WDR25: variants seen among roughly 807,000 people sequenced by gnomAD.
WDR25 encodes the protein WD repeat domain 25, also known as WD repeat-containing protein 25.
Under a neutral mutation model 47.7 loss-of-function variants are expected in WDR25, and 35 were observed. The ratio of observed to expected loss-of-function variants is 0.73; its 90% confidence interval spans 0.56 to 0.97. The LOEUF (loss-of-function observed/expected upper bound fraction) is 0.97, where lower values mean the gene tolerates loss of function less well. Ranked by LOEUF, WDR25 falls within the 50% of genes least tolerant of loss-of-function variation. The probability of loss-of-function intolerance (pLI) is 0.00; values close to 1 mark genes in which losing one functional copy is unlikely to be tolerated. For missense variants in WDR25, 634 were observed against 704.7 expected, an observed-to-expected ratio of 0.90 and a Z score of 1.14; for synonymous variants, 248 against 278.9, an observed-to-expected ratio of 0.89 and a Z score of 1.10.
chr14:100,466,358 T>G (rs935888520), intron 2 of WDR25, among the ~76,000 whole-genome samples: 1 of 152,246 alleles, frequency 6.6e-6, no homozygotes, highest in African/African-American at 2.4e-5. Flanking sequence ...CTTTGCATTC[T>G]GAGAACATTC....
intron 1 of WDR25, among the ~76,000 whole-genome samples, chr14:100,379,410 T>TG (rs1482003955): frequency 6.8e-6 from 1 of 147,100 alleles, no homozygotes; most frequent in East Asian, 2.0e-4. Context: ...TTTTTTGAGA[T>TG]GGAGTCTTGC....
At position 100,500,291 on chromosome 14, in the gene WDR25, G is replaced by A. The variant is rs1360212092; in HGVS notation, c.1101+16167G>A. 1.3e-5 allele frequency among the ~76,000 whole-genome samples: 2 copies of A among 152,110 alleles called. No individual in the cohort carries two copies. ...CGGTTCTGGGTGGTTCAGGACCTGC[G>A]GGGGCTGCGGGGAAGGCCCTGCCCT... On this transcript the variant is annotated intron_variant, in intron 4 of 6. Coordinates refer to ENST00000402312, the MANE Select transcript of WDR25 (RefSeq NM_001161476.3). The surrounding 1 kb of genome is among the most constrained non-coding windows in gnomAD (Gnocchi z 4.7).
intron 3 of WDR25, among the ~76,000 whole-genome samples, chr14:100,475,029 A>C (rs1055255386): frequency 2.0e-5 from 3 of 152,244 alleles, no homozygotes; most frequent in African/African-American, 7.2e-5. Flanking sequence ...GCCAACAGAT[A>C]TTAGAAAAAA....
chr14:100,454,314 TGGA>T, intron 2 of WDR25: 3 of 1,211,018 alleles, frequency 2.5e-6, no homozygotes, highest in Non-Finnish European at 3.2e-6. Context: ...AGGCTGGGTG[TGGA>T]GAAGATTTTG....
intron 2 of WDR25, among the ~76,000 whole-genome samples, chr14:100,466,955 C>T (rs549355908): frequency 2.6e-5 from 4 of 152,340 alleles, no homozygotes; most frequent in African/African-American, 9.6e-5. Flanking sequence ...TGGTGGAAAG[C>T]TAAGCTCAGG....
At chr14:100,436,634 GT>G (rs1279982273) in intron 2 of WDR25, among the ~76,000 whole-genome samples, 5 of 152,158 alleles carry the variant, frequency 3.3e-5, no homozygotes, top group Non-Finnish European at 5.9e-5. Context: ...CAGGTGTTCG[GT>G]GTCTCTTGGG....
intron 2 of WDR25, among the ~76,000 whole-genome samples, chr14:100,456,477 A>C (rs563155043): frequency 1.3e-3 from 194 of 152,376 alleles, no homozygotes; most frequent in African/African-American, 4.4e-3. Context: ...AGAACTGTTC[A>C]ACCAACTATT....
rs949157129 is a variant in WDR25 at position 100,440,777 on chromosome 14, C to CG, written c.823-27239dup. 3.7e-4 allele frequency among the ~76,000 whole-genome samples: 57 copies of CG among 152,156 alleles called. No homozygotes were observed. The highest frequency in any genetic ancestry group is 1.3e-3 in the African/African-American group (53 of 41,408). On this transcript the variant is annotated intron_variant, in intron 2 of 6. Transcript: ENST00000402312. The surrounding 1 kb of genome is among the most constrained non-coding windows in gnomAD (Gnocchi z 4.4). The stretch of plus-strand genomic sequence containing the variant: ...TCTGATTATTTACGAAGGGACAGGC[C>CG]GGGGGAGGTAACCACCTCGATAAAT...
rs1427696415 is a variant in WDR25 at position 100,376,489 on chromosome 14, G to T, written c.-22G>T. On this transcript the variant is annotated 5_prime_UTR_variant, in exon 1 of 7. Transcript: ENST00000402312. Reference sequence around the variant, plus strand: ...CGGTCTGCCTCCGGGAGAACCGAGCGCTTCCGGTGCGTGTGGTGAGCGGCG... The same window carrying T: ...CGGTCTGCCTCCGGGAGAACCGAGCTCTTCCGGTGCGTGTGGTGAGCGGCG... 38 of 1,231,518 alleles carry T rather than the reference G, an allele frequency of 3.1e-5. No homozygotes were observed. The highest frequency in any genetic ancestry group is 3.7e-5 in the Non-Finnish European group (37 of 987,922). 76.3% of individuals were successfully genotyped at this position (1,231,518 alleles called of 1,614,324 possible). A position where few individuals can be genotyped will look rare whatever the true frequency, so the allele number is the denominator to read the frequency against.
intron 5 of WDR25, among the ~76,000 whole-genome samples, chr14:100,526,777 CTATCAT>C (rs2140394528): frequency 6.6e-6 from 1 of 151,460 alleles, no homozygotes; most frequent in Non-Finnish European, 1.5e-5. Context: ...ACCACCACTA[CTATCAT>C]CACCACCATC....
chr14:100,393,991 C>T (rs942712364), intron 2 of WDR25, among the ~76,000 whole-genome samples: 1 of 152,180 alleles, frequency 6.6e-6, no homozygotes. Context: ...GCATTCTCAT[C>T]TGTGAAATAA....
chr14:100,459,933 TATATATAC>T (rs1252744332), intron 2 of WDR25, among the ~76,000 whole-genome samples: 1 of 88,268 alleles, frequency 1.1e-5, no homozygotes, highest in Admixed American at 1.1e-4. Context: ...TATATATATA[TATATATAC>T]ACATACACAT....
At chr14:100,385,262 G>T (rs1467511964) in intron 2 of WDR25, among the ~76,000 whole-genome samples, 2 of 152,120 alleles carry the variant, frequency 1.3e-5, no homozygotes, top group African/African-American at 4.8e-5. Context: ...AAATTTTTTG[G>T]ATTTTATCGC....
At chr14:100,479,538 C>G (rs1004093162) in intron 3 of WDR25, among the ~76,000 whole-genome samples, 4 of 151,966 alleles carry the variant, frequency 2.6e-5, no homozygotes, top group African/African-American at 9.7e-5. Context: ...GCACAAAGAC[C>G]ATCATCTTAC....
At chr14:100,395,895 C>T (rs939610441) in intron 2 of WDR25, among the ~76,000 whole-genome samples, 4 of 151,380 alleles carry the variant, frequency 2.6e-5, no homozygotes, top group Admixed American at 1.3e-4. Flanking sequence ...GGTTAAATGT[C>T]GCCAGGTTTG....
chr14:100,415,263 G>A (rs1271157086), intron 2 of WDR25, among the ~76,000 whole-genome samples: 3 of 152,188 alleles, frequency 2.0e-5, no homozygotes. Context: ...TGTCCAGCAA[G>A]ACAGGCAAAG....
At position 100,502,969 on chromosome 14, in the gene WDR25, ATGTGTGTCGGTGCATGTG is replaced by A. The variant is rs1019844673; in HGVS notation, c.1101+18854_1101+18871del. Reference sequence around the variant, plus strand: ...TGTGTCTGTGAGTGTGTGTGTCTGTATGTGTGTCGGTGCATGTGTGTGTGTCCATCCATGCATGTGTGT... The same window carrying A: ...TGTGTCTGTGAGTGTGTGTGTCTGTATGTGTGTCCATCCATGCATGTGTGT... On this transcript the variant is annotated intron_variant, in intron 4 of 6. Coordinates refer to ENST00000402312, the MANE Select transcript of WDR25 (RefSeq NM_001161476.3). This position sits in a 1 kb window ranked among gnomAD's most constrained non-coding sequence, Gnocchi z 4.5. Among the ~76,000 whole-genome samples, 3 of 150,448 alleles carry A rather than the reference ATGTGTGTCGGTGCATGTG, an allele frequency of 2.0e-5. No individual in the cohort carries two copies. The highest frequency in any genetic ancestry group is 4.4e-5 in the Non-Finnish European group (3 of 67,762).
At chr14:100,461,629 A>G (rs959480333) in intron 2 of WDR25, among the ~76,000 whole-genome samples, 1 of 152,358 alleles carries the variant, frequency 6.6e-6, no homozygotes, top group Middle Eastern at 3.4e-3. Context: ...AAGATTTGGC[A>G]AATGGGCTGA....
intron 2 of WDR25, among the ~76,000 whole-genome samples, chr14:100,463,453 C>A (rs1322613641): frequency 1.3e-5 from 2 of 152,144 alleles, no homozygotes; most frequent in Non-Finnish European, 2.9e-5. Context: ...ACTTCACTGG[C>A]CTCTTCTTAG....
Sources: allele counts gnomAD v4.1 joint callset (sites outside exome capture counted in the v4.1 genomes callset), GRCh38; gene constraint gnomAD v4.1.1; non-coding constraint Gnocchi (gnomAD v3.1); transcripts MANE v1.5; gene names NCBI Gene and HGNC (gene_info 2026-07-23, HGNC 2026-07-21).